NBAS: variants seen among roughly 807,000 people sequenced by gnomAD.
NBAS encodes NBAS subunit of NRZ tethering complex.
NBAS carries 219 observed loss-of-function variants against 302.5 expected under a neutral mutation model. The ratio of observed to expected loss-of-function variants is 0.72; its 90% confidence interval spans 0.65 to 0.81. NBAS has a LOEUF of 0.81. NBAS is among the 30% of genes least tolerant of loss of function. NBAS has a pLI of 0.00. For synonymous variants in NBAS, 1,118 were observed against 1,021.6 expected, an observed-to-expected ratio of 1.09 and a Z score of -1.80; for missense variants, 2,932 against 2,841.6, an observed-to-expected ratio of 1.03 and a Z score of -0.72.
At chr2:14,914,708 A>G in the NBAS span, among the ~76,000 whole-genome samples, 9 of 152,318 alleles carry the variant, frequency 5.9e-5, no homozygotes, top group South Asian at 1.9e-3. Context: ...TGAATGTGAA[A>G]GAGAAATCCA....
chr2:15,267,368 T>C (rs1314929861), intron 44 of NBAS, among the ~76,000 whole-genome samples: 1 of 152,122 alleles, frequency 6.6e-6, no homozygotes, highest in Non-Finnish European at 1.5e-5. Context: ...AAGCCAGAGA[T>C]CAATGGGCAA....
In NBAS at chr2:15,379,811, C is replaced by G. The variant is rs781744724; in HGVS notation, c.3381G>C (p.Leu1127=). Residue 1127 remains leucine (L), a synonymous_variant, in exon 30 of 52, where the codon CTG becomes CTC. Transcript: ENST00000281513. ...ACYEIFTESL[L]CSSRLENIHL... ...GGATGTTTTCAAGGCGACTAGAGCACAGAAGGCTTTCTGTAAATATCTGGA... is the reference window on the plus strand; with the variant it reads ...GGATGTTTTCAAGGCGACTAGAGCAGAGAAGGCTTTCTGTAAATATCTGGA... 1 of 1,613,956 alleles carries G rather than the reference C, an allele frequency of 6.2e-7. No homozygotes were observed. Among genetic ancestry groups the G allele is most frequent in the South Asian group, 1.1e-5 (1 of 91,078 alleles).
the NBAS span, among the ~76,000 whole-genome samples, chr2:14,909,830 T>G: frequency 7.9e-5 from 12 of 152,192 alleles, no homozygotes; most frequent in Non-Finnish European, 1.5e-5. Context: ...GGCACCCACA[T>G]GTCCAGCAGC....
the NBAS span, among the ~76,000 whole-genome samples, chr2:14,836,618 G>C: frequency 6.6e-6 from 1 of 151,818 alleles, no homozygotes; most frequent in Non-Finnish European, 1.5e-5. Context: ...GCTATCTTAA[G>C]TACTGTAGCT....
chr2:14,892,021 C>T, the NBAS span, among the ~76,000 whole-genome samples: 5 of 152,306 alleles, frequency 3.3e-5, no homozygotes, highest in African/African-American at 9.6e-5. Context: ...TTATAACATG[C>T]GACTGACTTT....
the NBAS span, among the ~76,000 whole-genome samples, chr2:15,003,114 A>T: frequency 1.3e-5 from 2 of 152,238 alleles, no homozygotes; most frequent in Non-Finnish European, 2.9e-5. Context: ...CAAGTATTTT[A>T]AAATGCTCAA....
rs1677359898 is a variant in NBAS, at chr2:15,424,364, A to G, written c.2528T>C (p.Met843Thr). 2 of 1,614,026 alleles carry G rather than the reference A, an allele frequency of 1.2e-6. No individual in the cohort carries two copies. The highest frequency in any genetic ancestry group is 1.7e-5 in the Admixed American group (1 of 59,988). ...RMTQLTVEKVMDWYQTRAEEI... is the reference protein window; with the variant it reads ...RMTQLTVEKVTDWYQTRAEEI... Reference sequence around the variant, plus strand: ...CTCTGCTCTGGTCTGATACCAGTCCATAACCTTCTCCACCGTAAGCTGGGT... The same window carrying G: ...CTCTGCTCTGGTCTGATACCAGTCCGTAACCTTCTCCACCGTAAGCTGGGT... Residue 843 changes from methionine to threonine, a missense_variant, in exon 23 of 52, where the codon ATG (methionine) becomes ACG (threonine). Physicochemically the swap from Met to Thr is moderately conservative, Grantham distance 81 (BLOSUM62 -1). Coordinates refer to ENST00000281513, the MANE Select transcript of NBAS (RefSeq NM_015909.4).
chr2:14,995,526 G>A, the NBAS span, among the ~76,000 whole-genome samples: 2 of 152,142 alleles, frequency 1.3e-5, no homozygotes, highest in African/African-American at 4.8e-5. Context: ...TGACTGCTCA[G>A]CATCCTACAA....
chr2:15,209,737 T>C (rs931826231), intron 48 of NBAS, among the ~76,000 whole-genome samples: 2 of 152,132 alleles, frequency 1.3e-5, no homozygotes, highest in Admixed American at 6.5e-5. Flanking sequence ...TATGGAGCTA[T>C]AGTAAGCAAA....
chr2:15,380,977 A>G (rs917363702), intron 29 of NBAS, among the ~76,000 whole-genome samples: 2 of 152,192 alleles, frequency 1.3e-5, no homozygotes, highest in Admixed American at 1.3e-4. Flanking sequence ...TCTAAGAGGG[A>G]TCCGCTATAA....
At chr2:15,217,139 C>T (rs574144911) in intron 48 of NBAS, among the ~76,000 whole-genome samples, 206 of 152,290 alleles carry the variant, frequency 1.4e-3, no homozygotes, top group Non-Finnish European at 7.1e-4. Context: ...CTAGCCTGCT[C>T]TTTAAAAAAA....
chr2:15,009,682 A>G, the NBAS span, among the ~76,000 whole-genome samples: 6 of 85,468 alleles, frequency 7.0e-5, no homozygotes, highest in African/African-American at 2.5e-4. Flanking sequence ...ATACATATAT[A>G]TGTAGGAATG....
chr2:15,542,649 T>TAA (rs199906894), intron 6 of NBAS, among the ~76,000 whole-genome samples: 1 of 149,354 alleles, frequency 6.7e-6, no homozygotes, highest in Non-Finnish European at 1.5e-5. Context: ...ATAAATAAGA[T>TAA]AAAAAAAATA....
chr2:15,464,625 C>G (rs575138783), intron 19 of NBAS, among the ~76,000 whole-genome samples: 1 of 152,278 alleles, frequency 6.6e-6, no homozygotes, highest in South Asian at 2.1e-4. Context: ...GCTCTAGACA[C>G]CACCATCTTC....
chr2:15,082,946 T>G, the NBAS span, among the ~76,000 whole-genome samples: 1 of 152,188 alleles, frequency 6.6e-6, no homozygotes, highest in Admixed American at 6.5e-5. Context: ...GATGGGACAC[T>G]GGATATAACT....
chr2:15,338,674 T>TACATACACAC (rs372797466), intron 35 of NBAS, among the ~76,000 whole-genome samples: 4 of 134,746 alleles, frequency 3.0e-5, no homozygotes, highest in Non-Finnish European at 6.4e-5. Context: ...AACACACACA[T>TACATACACAC]ACACACACAC....
chr2:15,149,201 C>A, the NBAS span, among the ~76,000 whole-genome samples: 2 of 152,128 alleles, frequency 1.3e-5, no homozygotes, highest in Non-Finnish European at 2.9e-5. Context: ...CAGGAGTGGG[C>A]TTCTGATAAA....
the NBAS span, among the ~76,000 whole-genome samples, chr2:15,102,094 T>C: frequency 6.6e-6 from 1 of 152,198 alleles, no homozygotes; most frequent in Non-Finnish European, 1.5e-5. Flanking sequence ...TAGTAGCACA[T>C]ATATGTCCCA....
At chr2:15,539,425 T>G in intron 6 of NBAS, 69 bp from the exon 7 acceptor site, 1 of 1,552,656 alleles carries the variant, frequency 6.4e-7, no homozygotes, top group Non-Finnish European at 8.9e-7. Context: ...TTTTAGTAAC[T>G]GCAACTAAAG....
Sources: gnomAD v4.1 joint callset for allele counts (sites outside exome capture counted in the v4.1 genomes callset) on GRCh38, gnomAD v4.1.1 for gene constraint, MANE v1.5 for transcripts, NCBI Gene and HGNC (gene_info 2026-07-23, HGNC 2026-07-21) for gene names.